The following CMSS1 variants were observed in gnomAD, a reference collection of about 807,000 sequenced individuals.
The protein encoded by CMSS1 is protein CMSS1.
Under a neutral mutation model 43.5 loss-of-function variants are expected in CMSS1, and 33 were observed. The ratio of observed to expected loss-of-function variants is 0.76; its 90% CI spans 0.57 to 1.01. The LOEUF (loss-of-function observed/expected upper bound fraction) is 1.01, where lower values mean the gene tolerates loss of function less well. CMSS1 is among the 50% of genes least tolerant of loss of function. The pLI is 0.00. For synonymous variants in CMSS1, 115 were observed against 117.2 expected (o/e 0.98, Z 0.12); for missense variants, 313 against 326.4 (o/e 0.96, Z 0.32).
chr3:100,034,435 C>T (rs1284841801), intron 1 of CMSS1, among the ~76,000 whole-genome samples: 2 of 152,166 alleles, frequency 1.3e-5, no homozygotes, highest in African/African-American at 2.4e-5. Context: ...CATTTTCACA[C>T]TGGCTTTAGT....
chr3:99,935,859 G>C (rs1487957545), intron 1 of CMSS1, among the ~76,000 whole-genome samples: 1 of 152,154 alleles, frequency 6.6e-6, no homozygotes, highest in Non-Finnish European at 1.5e-5. Context: ...GTAAGGATGT[G>C]TCCATGCAAG....
chr3:100,107,593 T>C (rs966558617), intron 1 of CMSS1, among the ~76,000 whole-genome samples: 1 of 152,170 alleles, frequency 6.6e-6, no homozygotes, highest in Admixed American at 6.6e-5. Context: ...ATAAATGCTG[T>C]CTTTTTAAAT....
intron 1 of CMSS1, among the ~76,000 whole-genome samples, chr3:99,915,866 A>G (rs1047023340): frequency 2.1e-4 from 32 of 152,164 alleles, no homozygotes; most frequent in African/African-American, 7.7e-4. Context: ...GCCACTTGAA[A>G]ACTCTTATTA....
intron 1 of CMSS1, among the ~76,000 whole-genome samples, chr3:99,840,285 G>A (rs912732716): frequency 6.3e-5 from 9 of 143,786 alleles, no homozygotes; most frequent in Non-Finnish European, 9.0e-5. Flanking sequence ...GTGCAGTGGC[G>A]TGATCTCAGA....
intron 1 of CMSS1, among the ~76,000 whole-genome samples, chr3:99,835,568 G>T (rs1168240380): frequency 6.6e-6 from 1 of 152,198 alleles, no homozygotes; most frequent in African/African-American, 2.4e-5. Flanking sequence ...CAGAGAGCCT[G>T]TTAGGATGCA....
chr3:100,020,279 T>G (rs908083499), intron 1 of CMSS1, among the ~76,000 whole-genome samples: 2 of 152,190 alleles, frequency 1.3e-5, no homozygotes, highest in Non-Finnish European at 2.9e-5. Flanking sequence ...ATTTGCAGAT[T>G]TTCTAAAAGC....
rs184733613 is a variant in CMSS1, at chr3:100,171,908, G to A, written c.579+9G>A. On this transcript the variant is annotated intron_variant, in intron 7 of 9. Transcript: ENST00000421999. ...TTGCAAAGCACATAAAGGTAAGCAAGGGCCTGTGTGATCCCTAAAGGCCTC... is the reference window on the plus strand; with the variant it reads ...TTGCAAAGCACATAAAGGTAAGCAAAGGCCTGTGTGATCCCTAAAGGCCTC... 8.8e-5 allele frequency: 142 copies of A among 1,611,256 alleles called. No homozygotes were observed. In the African/African-American group the frequency reaches 1.7e-3, roughly 19 times the overall value.
At chr3:100,095,385 G>T (rs934461634) in intron 1 of CMSS1, among the ~76,000 whole-genome samples, 5 of 151,882 alleles carry the variant, frequency 3.3e-5, no homozygotes, top group Admixed American at 2.6e-4. Flanking sequence ...CTGTATCCGT[G>T]AATTCAACCA....
intron 1 of CMSS1, among the ~76,000 whole-genome samples, chr3:99,836,274 T>A (rs1383704875): frequency 6.6e-6 from 1 of 152,028 alleles, no homozygotes; most frequent in African/African-American, 2.4e-5. Flanking sequence ...GAGTGGAGGA[T>A]GAGCAGAGAA....
At chr3:100,114,696 C>T (rs1192913228) in intron 1 of CMSS1, among the ~76,000 whole-genome samples, 1 of 152,160 alleles carries the variant, frequency 6.6e-6, no homozygotes, top group Non-Finnish European at 1.5e-5. Flanking sequence ...GTTGCTACCC[C>T]AGATATATTG....
At chr3:99,947,371 A>G (rs1025411419) in intron 1 of CMSS1, among the ~76,000 whole-genome samples, 2 of 152,148 alleles carry the variant, frequency 1.3e-5, no homozygotes, top group Non-Finnish European at 2.9e-5. Context: ...TGATAGCTAC[A>G]TAGTATTTCA....
intron 1 of CMSS1, among the ~76,000 whole-genome samples, chr3:100,138,893 G>C (rs537142153): frequency 1.3e-5 from 2 of 152,146 alleles, no homozygotes; most frequent in Non-Finnish European, 2.9e-5. Flanking sequence ...ACATGCACGC[G>C]TATGTTTATT....
At chr3:99,833,149 G>T in intron 1 of CMSS1, 1 of 1,258,390 alleles carries the variant, frequency 7.9e-7, no homozygotes, top group Non-Finnish European at 1.1e-6. Flanking sequence ...ATTCATAGAA[G>T]AAAACGATTT....
At chr3:100,121,141 G>A (rs567449401) in intron 1 of CMSS1, among the ~76,000 whole-genome samples, 4 of 151,940 alleles carry the variant, frequency 2.6e-5, no homozygotes, top group African/African-American at 4.8e-5. Flanking sequence ...TGTGCAGAAC[G>A]TTCTGTTTTG....
At chr3:99,890,627 A>G (rs1382871947) in intron 1 of CMSS1, among the ~76,000 whole-genome samples, 3 of 151,870 alleles carry the variant, frequency 2.0e-5, no homozygotes, top group Non-Finnish European at 2.9e-5. Context: ...TCCTTGATCT[A>G]CAGTTGTTAC....
chr3:99,832,956 T>C (rs1553686332), intron 1 of CMSS1, among the ~76,000 whole-genome samples: 2 of 151,852 alleles, frequency 1.3e-5, no homozygotes, highest in African/African-American at 2.4e-5. Flanking sequence ...ATCATTTTTA[T>C]AGAGCGTTAT....
chr3:99,906,808 C>T (rs547151860), intron 1 of CMSS1, among the ~76,000 whole-genome samples: 1 of 152,218 alleles, frequency 6.6e-6, no homozygotes, highest in South Asian at 2.1e-4. Flanking sequence ...AGATGGTCAT[C>T]CCTAACTTGA....
At chr3:100,075,388 A>G (rs2065834257) in intron 1 of CMSS1, among the ~76,000 whole-genome samples, 1 of 152,214 alleles carries the variant, frequency 6.6e-6, no homozygotes, top group Non-Finnish European at 1.5e-5. Flanking sequence ...AGGGCTTATG[A>G]TAACGAGCAG....
intron 1 of CMSS1, among the ~76,000 whole-genome samples, chr3:99,843,012 C>T (rs537373379): frequency 4.4e-4 from 67 of 152,294 alleles, no homozygotes; most frequent in African/African-American, 1.3e-3. Flanking sequence ...GGAAAGGGTC[C>T]ATCTGCTGGA....
Sources: gnomAD v4.1 joint callset for allele counts (sites outside exome capture counted in the v4.1 genomes callset) on GRCh38, gnomAD v4.1.1 for gene constraint, MANE v1.5 for transcripts, NCBI Gene and HGNC (gene_info 2026-07-23, HGNC 2026-07-21) for gene names.